The following RGMA variants were observed in gnomAD, a reference collection of about 807,000 sequenced individuals.
RGMA encodes the protein repulsive guidance molecule BMP co-receptor a.
RGMA carries 10 observed loss-of-function variants against 23.2 expected under a neutral mutation model. The observed-to-expected ratio is 0.43, with a 90% CI of 0.27 to 0.73. The LOEUF is 0.73. RGMA is among the 30% of genes least tolerant of loss of function. The probability of loss-of-function intolerance (pLI) is 0.20; values close to 1 mark genes in which losing one functional copy is unlikely to be tolerated. For missense variants in RGMA, 547 were observed against 630.5 expected (o/e 0.87, Z 1.42); for synonymous variants, 308 against 279.3 (o/e 1.10, Z -1.03).
chr15:93,051,249 C>T (rs908289943), intron 3 of RGMA, among the ~76,000 whole-genome samples: 2 of 152,222 alleles, frequency 1.3e-5, no homozygotes, highest in Non-Finnish European at 2.9e-5. Flanking sequence ...GGAACAGAAA[C>T]GCCCTTGTGG....
At chr15:93,072,820 G>A in intron 2 of RGMA, 96 bp downstream of exon 2, 1 of 1,357,926 alleles carries the variant, frequency 7.4e-7, no homozygotes, top group Non-Finnish European at 1.0e-6. Context: ...AGGAGGTCCG[G>A]AGAACTTGAG....
chr15:93,058,895 G>A (rs1442984256), intron 2 of RGMA, among the ~76,000 whole-genome samples: 1 of 150,840 alleles, frequency 6.6e-6, no homozygotes, highest in Non-Finnish European at 1.5e-5. Flanking sequence ...TGCATAGGGA[G>A]GTTGGGTAGG....
At position 93,088,900 on chromosome 15, in the gene RGMA, G is replaced by A. The variant is rs1407707777; in HGVS notation, c.14+19C>T. 2.0e-6 allele frequency: 3 copies of A among 1,476,382 alleles called. No homozygotes were observed. Among genetic ancestry groups the A allele is most frequent in the Non-Finnish European group, 1.8e-6 (2 of 1,123,076 alleles). 91.5% of individuals were successfully genotyped at this position (1,476,382 alleles called of 1,614,324 possible). ...GAGATGTCAGAGCCGGGTCTGCCCG[G>A]CTCCCGACCCGCGCTTACCTTGGCG... is the stretch of plus-strand genomic sequence containing the variant. On this transcript the variant is annotated intron_variant, in intron 1 of 3. Transcript: ENST00000329082.
chr15:93,076,422 A>G (rs1895473962), intron 1 of RGMA, among the ~76,000 whole-genome samples: 1 of 152,204 alleles, frequency 6.6e-6, no homozygotes. Flanking sequence ...GAGTGTTCTC[A>G]AATCTAGGGC....
chr15:93,060,649 T>C (rs917989829), intron 2 of RGMA, among the ~76,000 whole-genome samples: 23 of 152,208 alleles, frequency 1.5e-4, no homozygotes, highest in African/African-American at 5.3e-4. Context: ...CTCCGTGCAA[T>C]CAAATTTATC....
chr15:93,087,734 T>C (rs763292307), intron 1 of RGMA, among the ~76,000 whole-genome samples: 8 of 152,190 alleles, frequency 5.3e-5, no homozygotes, highest in Non-Finnish European at 1.0e-4. Context: ...TAACATTTTA[T>C]ATTACGTTTT....
Position 93,082,777 on chromosome 15 carries a change from G to T in RGMA, c.14+6142C>A, listed in dbSNP as rs533191529. Reference sequence around the variant, plus strand: ...AAATAATTAGATTATGGAATTGTTTGTCTTTCTTTTGGATGGTAAGTGACA... The same window carrying T: ...AAATAATTAGATTATGGAATTGTTTTTCTTTCTTTTGGATGGTAAGTGACA... On this transcript the variant is annotated intron_variant, in intron 1 of 3. Transcript: ENST00000329082. Among the ~76,000 whole-genome samples, 57 of 152,336 alleles carry T rather than the reference G, an allele frequency of 3.7e-4. 3 individuals are homozygous for T. The highest frequency in any genetic ancestry group is 1.3e-3 in the African/African-American group (56 of 41,562).
rs1422863268 is a variant in RGMA, at chr15:93,063,839, T to TGG, written c.130+9075_130+9076dup. Among the ~76,000 whole-genome samples the TGG allele has an allele frequency of 5.3e-5, 8 of 151,718 alleles. No individual in the cohort carries two copies. In the South Asian group the frequency reaches 6.3e-4, roughly 12 times the overall value. On this transcript the variant is annotated intron_variant, in intron 2 of 3. Coordinates refer to ENST00000329082, the MANE Select transcript of RGMA (RefSeq NM_020211.3). ...AGGGAACCTCAGTTGACTGTGGAGG[T>TGG]GGGGGTCAGTTGGGGTGCTGGGGTT... is the stretch of plus-strand genomic sequence containing the variant.
intron 3 of RGMA, among the ~76,000 whole-genome samples, chr15:93,047,351 A>G (rs1211152025): frequency 6.6e-6 from 1 of 152,020 alleles, no homozygotes; most frequent in East Asian, 1.9e-4. Context: ...TTGCCATGGG[A>G]GCTCTGGGTG....
At position 93,052,541 on chromosome 15, in the gene RGMA, G is replaced by A. The variant is rs375736425; in HGVS notation, c.131-34C>T. On this transcript the variant is annotated intron_variant, in intron 2 of 3. Coordinates refer to ENST00000329082, the MANE Select transcript of RGMA (RefSeq NM_020211.3). ...AAAGGAACGAACACACCGTCGGGGT[G>A]CAGCCTGGCAACCCCAGCTTCTGCT... 1,251 of 1,519,868 alleles carry A rather than the reference G, an allele frequency of 8.2e-4. 12 individuals carry two copies. The Middle Eastern group carries it at 0.016, about 20-fold the overall frequency. 94.1% of individuals were successfully genotyped at this position (1,519,868 alleles called of 1,614,324 possible).
chr15:93,084,738 G>A (rs142350800), intron 1 of RGMA, among the ~76,000 whole-genome samples: 1 of 152,288 alleles, frequency 6.6e-6, no homozygotes, highest in East Asian at 1.9e-4. Context: ...CTCCCAAAGT[G>A]CTGGGATTAC....
intron 3 of RGMA, among the ~76,000 whole-genome samples, chr15:93,047,258 A>T (rs1272499423): frequency 1.3e-5 from 2 of 152,124 alleles, no homozygotes; most frequent in Non-Finnish European, 2.9e-5. Context: ...CCTAACCCTA[A>T]GCAGGTTTCT....
At position 93,040,825 on chromosome 15, in the gene RGMA, C is replaced by G. The variant is rs764954026; in HGVS notation, c.*4173G>C. ...TGCAATTGCAGAGAGGAGGCGGCCA[C>G]TTTTGGCGGCCTCCATGCGTGGTGC... is the stretch of plus-strand genomic sequence containing the variant. On this transcript the variant is annotated 3_prime_UTR_variant, in exon 4 of 4. Coordinates refer to ENST00000329082, the MANE Select transcript of RGMA (RefSeq NM_020211.3). 2.6e-5 allele frequency: 4 copies of G among 152,204 alleles called. No individual in the cohort carries two copies. Among genetic ancestry groups the G allele is most frequent in the Non-Finnish European group, 4.4e-5 (3 of 68,062 alleles). The allele number at this position is 152,204 out of a possible 1,614,324, so 9.4% of individuals were successfully genotyped here. A position where few individuals can be genotyped will look rare whatever the true frequency, so the allele number is the denominator to read the frequency against.
intron 2 of RGMA, among the ~76,000 whole-genome samples, chr15:93,070,630 A>G (rs1895292041): frequency 6.6e-6 from 1 of 152,168 alleles, no homozygotes; most frequent in Admixed American, 6.5e-5. Context: ...TAGAGCACAC[A>G]AGTTTTGGAG....
chr15:93,079,768 A>G (rs1895528074), intron 1 of RGMA, among the ~76,000 whole-genome samples: 1 of 152,136 alleles, frequency 6.6e-6, no homozygotes, highest in Non-Finnish European at 1.5e-5. Flanking sequence ...TGCAGTGAGC[A>G]GAGGTCCTGC....
At chr15:93,076,490 G>T (rs1895475299) in intron 1 of RGMA, among the ~76,000 whole-genome samples, 1 of 152,146 alleles carries the variant, frequency 6.6e-6, no homozygotes, top group South Asian at 2.1e-4. Flanking sequence ...GACCTTGGGG[G>T]ATAAAGAAAT....
At chr15:93,053,227 A>T (rs1227510679) in intron 2 of RGMA, among the ~76,000 whole-genome samples, 1 of 152,220 alleles carries the variant, frequency 6.6e-6, no homozygotes, top group Non-Finnish European at 1.5e-5. Context: ...AAGCTTTGAG[A>T]CTTTAGTGAC....
intron 2 of RGMA, among the ~76,000 whole-genome samples, chr15:93,058,946 G>A (rs866758359): frequency 3.9e-5 from 6 of 152,196 alleles, no homozygotes; most frequent in South Asian, 2.1e-4. Flanking sequence ...AAACATGATC[G>A]TGACAATAAA....
chr15:93,059,695 C>G (rs947830278), intron 2 of RGMA, among the ~76,000 whole-genome samples: 2 of 152,192 alleles, frequency 1.3e-5, no homozygotes, highest in African/African-American at 4.8e-5. Context: ...CATCCAGTCA[C>G]CTTGCCTCCA....
Sources: allele counts gnomAD v4.1 joint callset (sites outside exome capture counted in the v4.1 genomes callset), GRCh38; gene constraint gnomAD v4.1.1; transcripts MANE v1.5; gene names NCBI Gene and HGNC (gene_info 2026-07-23, HGNC 2026-07-21).